TKTL1: variants seen among roughly 807,000 people sequenced by gnomAD.
TKTL1 encodes transketolase-like protein 1.
TKTL1 carries 1 observed loss-of-function variant against 39.3 expected under a neutral mutation model. That is an observed-to-expected ratio of 0.03 (90% CI 0.01 to 0.12). The LOEUF (loss-of-function observed/expected upper bound fraction) is 0.12. Among genes scored for constraint, TKTL1 ranks in the 10% least tolerant of loss-of-function variants. TKTL1 has a pLI of 1.00. For missense variants in TKTL1, 575 were observed against 509.6 expected (o/e 1.13, Z -1.24); for synonymous variants, 262 against 193.8 (o/e 1.35, Z -2.92).
At chrX:154,305,746 A>G (rs2067310165) in intron 2 of TKTL1, among the ~76,000 whole-genome samples, 1 of 109,946 alleles carries the variant, frequency 9.1e-6, no homozygotes, top group African/African-American at 3.3e-5. Flanking sequence ...AGGCAGCCTC[A>G]GTGAATCCCA....
At chrX:154,316,125 G>A (rs1460748106) in intron 7 of TKTL1, among the ~76,000 whole-genome samples, 1 of 111,678 alleles carries the variant, frequency 9.0e-6, no homozygotes, top group African/African-American at 3.3e-5. Flanking sequence ...CGCCCAGGCT[G>A]GAGTGGAGTG....
chrX:154,296,307 A>C (rs782186852), intron 1 of TKTL1, among the ~76,000 whole-genome samples: 1 of 111,223 alleles, frequency 9.0e-6, no homozygotes, highest in South Asian at 3.8e-4. Flanking sequence ...TCCAGACTGG[A>C]CTGAGGTGGC....
In TKTL1 at chrX:154,323,178, C is replaced by T; in HGVS notation, c.1187-29C>T. 3.3e-6 allele frequency: 4 copies of T among 1,207,369 alleles called. No homozygotes were observed. The African/African-American group carries it at 5.2e-5, about 16-fold the overall frequency. On this transcript the variant is annotated intron_variant, in intron 8 of 12. Transcript: ENST00000369915. ...GCAGGTTCCTAATGGGGTTATGCTC[C>T]TGTTTTCATCGGGCTCTGGTTCTCT...
chrX:154,314,391 A>G (rs1185146055), intron 6 of TKTL1, among the ~76,000 whole-genome samples: 1 of 111,791 alleles, frequency 8.9e-6, no homozygotes, highest in Non-Finnish European at 1.9e-5. Context: ...TAAATGAATC[A>G]GTGAGCTCAA....
intron 1 of TKTL1, among the ~76,000 whole-genome samples, chrX:154,298,202 CACTTTAACTTGATTGTACT>C (rs1405306899): frequency 9.0e-6 from 1 of 110,549 alleles, no homozygotes; most frequent in African/African-American, 3.3e-5. Context: ...TTAATGACTC[CACTTTAACTTGATTGTACT>C]TTTTTTTTTT....
rs782346636 is a variant in TKTL1 at position 154,323,330 on chromosome X, A to G, written c.1310A>G (p.Asn437Ser). The G allele has an allele frequency of 1.1e-5, 13 of 1,209,697 alleles. No individual in the cohort carries two copies. In the South Asian group the frequency reaches 1.9e-4, roughly 18 times the overall value. The change falls in exon 9 of 13, where the codon AAT (asparagine) becomes AGT (serine). Residue 437 changes from asparagine (N) to serine (S), a missense_variant. Coordinates refer to ENST00000369915, the MANE Select transcript of TKTL1 (RefSeq NM_012253.4). ...GAGCATGCTGTTGCTCTGGCAGCCA[A>G]TGCCAAGGTATTTTTAAGGGGACAC... The part of the protein sequence containing the change: ...STEHAVALAA[N>S]AKGMCFIRTT...
chrX:154,307,772 C>T (rs138105808), intron 2 of TKTL1, among the ~76,000 whole-genome samples: 132 of 112,269 alleles, frequency 1.2e-3, no homozygotes, highest in African/African-American at 3.9e-3. Context: ...GCATGCAAGG[C>T]GACTGGGAGC....
intron 1 of TKTL1, among the ~76,000 whole-genome samples, chrX:154,299,819 T>A (rs903296827): frequency 3.6e-5 from 4 of 111,890 alleles, no homozygotes; most frequent in Middle Eastern, 9.3e-3. Context: ...ATACACCACC[T>A]TCTTTATCCA....
chrX:154,323,157 G>A (rs782593309), intron 8 of TKTL1, 50 bp from the exon 9 acceptor site: 2 of 1,190,079 alleles, frequency 1.7e-6, no homozygotes, highest in Non-Finnish European at 2.3e-6. Context: ...TGGAGGGCAG[G>A]TTCCTAATGG....
chrX:154,299,507 C>G (rs189149166), intron 1 of TKTL1, among the ~76,000 whole-genome samples: 3 of 110,357 alleles, frequency 2.7e-5, no homozygotes, highest in Admixed American at 9.8e-5. Context: ...GTTGTTTTTG[C>G]TTATGTGAAT....
intron 8 of TKTL1, 118 bp downstream of exon 8, chrX:154,321,031 C>G (rs1175477392): frequency 1.0e-5 from 9 of 889,998 alleles, no homozygotes; most frequent in African/African-American, 2.0e-5. Context: ...TTATTCAAGC[C>G]TTTTTCTTGA....
rs782013654 is a variant in TKTL1 at position 154,311,039 on chromosome X, C to T, written c.542+12C>T. ...TGCGAAGCCTTTGGGTAACTGTATTCTCTTGTGCTTGATTTCCATTCTGTC... is the reference window on the plus strand; with the variant it reads ...TGCGAAGCCTTTGGGTAACTGTATTTTCTTGTGCTTGATTTCCATTCTGTC... On this transcript the variant is annotated intron_variant, in intron 4 of 12. Coordinates refer to ENST00000369915, the MANE Select transcript of TKTL1 (RefSeq NM_012253.4). The T allele has an allele frequency of 8.3e-7, 1 of 1,211,493 alleles. No homozygotes were observed. Among genetic ancestry groups the T allele is most frequent in the Non-Finnish European group, 1.1e-6 (1 of 895,069 alleles).
At chrX:154,325,684 CG>C (rs1361821411) in intron 10 of TKTL1, among the ~76,000 whole-genome samples, 1 of 112,337 alleles carries the variant, frequency 8.9e-6, no homozygotes. Context: ...GCCACTTGAG[CG>C]GTCGTGGCTA....
At chrX:154,327,746 A>G (rs1280021952) in intron 11 of TKTL1, 59 bp downstream of exon 11, 82 of 1,191,747 alleles carry the variant, frequency 6.9e-5, no homozygotes, top group Non-Finnish European at 8.0e-5. Flanking sequence ...GACTTCAGCT[A>G]CCTCCTGTGC....
chrX:154,311,388 CTTA>C (rs1339660683), intron 5 of TKTL1, 150 bp downstream of exon 5: 2 of 778,453 alleles, frequency 2.6e-6, no homozygotes, highest in Non-Finnish European at 3.7e-6. Flanking sequence ...CTCCTGCTCT[CTTA>C]TTTTCACTAG....
intron 1 of TKTL1, among the ~76,000 whole-genome samples, chrX:154,300,941 C>T (rs2067268764): frequency 9.2e-6 from 1 of 109,255 alleles, no homozygotes; most frequent in Admixed American, 9.7e-5. Context: ...GTGATCTGCC[C>T]ATCTCGGCCT....
intron 1 of TKTL1, among the ~76,000 whole-genome samples, chrX:154,298,742 C>G (rs782139134): frequency 8.9e-6 from 1 of 112,182 alleles, no homozygotes; most frequent in South Asian, 3.6e-4. Context: ...TTTTCTTAGT[C>G]TCTGTTTTAT....
chrX:154,299,149 C>CTTTTTTTTTTTTTT (rs1180562974), intron 1 of TKTL1, among the ~76,000 whole-genome samples: 4 of 35,920 alleles, frequency 1.1e-4, no homozygotes, highest in Admixed American at 4.0e-4. Context: ...CTTTTTCTTT[C>CTTTTTTTTTTTTTT]TTTTTTTTTT....
chrX:154,323,102 C>T (rs953988983), intron 8 of TKTL1, 105 bp from the exon 9 acceptor site: 1 of 1,040,323 alleles, frequency 9.6e-7, no homozygotes, highest in African/African-American at 1.9e-5. Context: ...GCTCGGGACA[C>T]CCCGTGGCAA....
Sources: allele counts gnomAD v4.1 joint callset (sites outside exome capture counted in the v4.1 genomes callset), GRCh38; gene constraint gnomAD v4.1.1; transcripts MANE v1.5; gene names NCBI Gene and HGNC (gene_info 2026-07-23, HGNC 2026-07-21).